UGGT1: variants seen among roughly 807,000 people sequenced by gnomAD.
UGGT1 encodes UDP-glucose:glycoprotein glucosyltransferase 1.
A neutral mutation model predicts 203.9 loss-of-function variants in UGGT1; 107 were observed. The ratio of observed to expected loss-of-function variants is 0.52; its 90% CI spans 0.45 to 0.62. The LOEUF (loss-of-function observed/expected upper bound fraction) is 0.62, where lower values mean the gene tolerates loss of function less well. Ranked by LOEUF, UGGT1 falls within the 20% of genes least tolerant of loss-of-function variation. UGGT1 has a pLI of 0.00. For synonymous variants in UGGT1, 628 were observed against 653.5 expected (o/e 0.96, Z 0.59); for missense variants, 1,673 against 1,867.2 (o/e 0.90, Z 1.92).
At chr2:128,144,133 T>TA (rs1373722495) in intron 17 of UGGT1, among the ~76,000 whole-genome samples, 1 of 152,234 alleles carries the variant, frequency 6.6e-6, no homozygotes, top group Non-Finnish European at 1.5e-5. Flanking sequence ...AGTTCTAACC[T>TA]ACGTGGGCAA....
At chr2:128,138,601 C>T (rs1463748167) in intron 15 of UGGT1, 116 bp from the exon 16 acceptor site, 1 of 1,252,080 alleles carries the variant, frequency 8.0e-7, no homozygotes, top group African/African-American at 1.5e-5. Flanking sequence ...GTGCTTTTCA[C>T]TCAAAGAGTT....
Position 128,109,684 on chromosome 2 carries a change from G to A in UGGT1, c.459G>A (p.Val153=), listed in dbSNP as rs777704122. The change falls in exon 5 of 41, where the codon GTG becomes GTA. Residue 153 remains valine (V), a synonymous_variant. Transcript: ENST00000259253. Reference sequence around the variant, plus strand: ...AAGGATGTAATTCGTTTTTTTCAGTGCATGGAAAGAAGACTTGTGAATCTG... The same window carrying A: ...AAGGATGTAATTCGTTTTTTTCAGTACATGGAAAGAAGACTTGTGAATCTG... ...PPEGCNSFFS[V]HGKKTCESDT... is the part of the protein sequence containing the mutation. 25 of 1,613,992 alleles carry A rather than the reference G, an allele frequency of 1.5e-5. No homozygotes were observed. Among genetic ancestry groups the A allele is most frequent in the Non-Finnish European group, 2.1e-5 (25 of 1,180,022 alleles).
At chr2:128,147,378 G>A (rs1689741704) in intron 18 of UGGT1, among the ~76,000 whole-genome samples, 1 of 152,152 alleles carries the variant, frequency 6.6e-6, no homozygotes, top group African/African-American at 2.4e-5. Flanking sequence ...TTGGTGAGAT[G>A]TTGGTCTTAA....
chr2:128,125,385 C>G (rs1225335694), intron 11 of UGGT1, among the ~76,000 whole-genome samples: 6 of 152,066 alleles, frequency 3.9e-5, no homozygotes, highest in Non-Finnish European at 7.4e-5. Context: ...TAATAATCAC[C>G]CCTTGTACAT....
chr2:128,170,454 C>T, intron 27 of UGGT1, 64 bp downstream of exon 27: 1 of 1,428,108 alleles, frequency 7.0e-7, no homozygotes, highest in Non-Finnish European at 9.9e-7. Context: ...CTCTGAAATT[C>T]ACTGAGAGCT....
chr2:128,097,857 GTTTA>G (rs963106606), intron 2 of UGGT1, among the ~76,000 whole-genome samples: 16 of 152,052 alleles, frequency 1.1e-4, no homozygotes, highest in Non-Finnish European at 1.5e-5. Context: ...AGAGGGTTAT[GTTTA>G]TTTATTTATT....
intron 14 of UGGT1, 50 bp from the exon 15 acceptor site, chr2:128,134,826 G>C (rs1689056172): frequency 6.5e-7 from 1 of 1,547,810 alleles, no homozygotes. Context: ...TCGGCCCACA[G>C]ATACTTGAAT....
At chr2:128,162,202 C>G (rs1690560079) in intron 25 of UGGT1, among the ~76,000 whole-genome samples, 1 of 151,350 alleles carries the variant, frequency 6.6e-6, no homozygotes, top group African/African-American at 2.4e-5. Flanking sequence ...AGTCTTTTGC[C>G]CATTTTTAAT....
Position 128,186,967 on chromosome 2 carries a change from T to G in UGGT1, c.4476+168T>G, listed in dbSNP as rs73956001. Among the ~76,000 whole-genome samples the G allele has an allele frequency of 2.4e-3, 372 of 152,314 alleles. 1 individual carries two copies. Among genetic ancestry groups the G allele is most frequent in the Middle Eastern group, 0.014 (4 of 294 alleles). On this transcript the variant is annotated intron_variant, in intron 39 of 40. Coordinates refer to ENST00000259253, the MANE Select transcript of UGGT1 (RefSeq NM_020120.4). ...GGGGCTATTCTTATCTTACAGAATA[T>G]TCTTATAAATATTCTTATCTTATAG...
At chr2:128,110,206 C>T (rs1429603260) in intron 5 of UGGT1, among the ~76,000 whole-genome samples, 1 of 152,140 alleles carries the variant, frequency 6.6e-6, no homozygotes, top group East Asian at 1.9e-4. Context: ...AATGTACCAG[C>T]TTTTTGCCCA....
At chr2:128,155,090 T>A (rs780163982) in intron 19 of UGGT1, among the ~76,000 whole-genome samples, 3 of 152,238 alleles carry the variant, frequency 2.0e-5, no homozygotes, top group African/African-American at 4.8e-5. Flanking sequence ...TCTTACGTAT[T>A]TTCTCTTTTA....
intron 26 of UGGT1, 37 bp downstream of exon 26, chr2:128,164,862 A>C (rs1189278880): frequency 6.7e-7 from 1 of 1,482,504 alleles, no homozygotes; most frequent in Non-Finnish European, 9.1e-7. Context: ...ATATTCTTGA[A>C]TATTAAACTC....
chr2:128,091,233 A>G lies in UGGT1; in HGVS notation c.-125A>G, dbSNP rs1558739397. ...AATTGCTTTGCGAGGCTGGGTGTTG[A>G]GTCGAGCCGCGGGAAAGGCGCGTGT... On this transcript the variant is annotated 5_prime_UTR_variant, in exon 1 of 41. Transcript: ENST00000259253. 9.2e-7 allele frequency: 1 copy of G among 1,088,726 alleles called. No individual in the cohort carries two copies. The highest frequency in any genetic ancestry group is 1.6e-5 in the South Asian group (1 of 61,070). The allele number at this position is 1,088,726 out of a possible 1,614,324, so 67.4% of individuals were successfully genotyped here.
intron 25 of UGGT1, among the ~76,000 whole-genome samples, chr2:128,164,147 G>GAGAC (rs1336082210): frequency 6.6e-6 from 1 of 152,166 alleles, no homozygotes; most frequent in Non-Finnish European, 1.5e-5. Context: ...CAACTAGAGT[G>GAGAC]AGACCCTGAC....
intron 16 of UGGT1, 71 bp downstream of exon 16, chr2:128,138,923 T>C: frequency 6.3e-7 from 1 of 1,589,280 alleles, no homozygotes. Flanking sequence ...TGTGTGGTCA[T>C]TGTATGCTAG....
At chr2:128,165,066 T>G (rs1405841647) in intron 26 of UGGT1, among the ~76,000 whole-genome samples, 1 of 152,198 alleles carries the variant, frequency 6.6e-6, no homozygotes, top group Non-Finnish European at 1.5e-5. Context: ...TAACTCTGAG[T>G]GCACCCTTGT....
chr2:128,124,167 C>T (rs1160524976), intron 11 of UGGT1, among the ~76,000 whole-genome samples: 2 of 152,102 alleles, frequency 1.3e-5, no homozygotes, highest in African/African-American at 4.8e-5. Flanking sequence ...AGGATAGTCT[C>T]GATCTCCTGA....
intron 11 of UGGT1, among the ~76,000 whole-genome samples, chr2:128,125,344 TG>T (rs1175043487): frequency 6.6e-6 from 1 of 152,144 alleles, no homozygotes; most frequent in Non-Finnish European, 1.5e-5. Context: ...TGGGGGGTTT[TG>T]TCTTAAAGGG....
Position 128,184,148 on chromosome 2 carries a change from A to G in UGGT1, c.4359+359A>G, listed in dbSNP as rs1473077499. Among the ~76,000 whole-genome samples the G allele has an allele frequency of 5.3e-5, 8 of 152,172 alleles. No homozygotes were observed. The East Asian group carries it at 1.5e-3, about 29-fold the overall frequency. ...GTCAGTTTGTTTTTCTGCTGTAGGA[A>G]CTAAATAGCTCAGGATTCGTAGTAT... On this transcript the variant is annotated intron_variant, in intron 38 of 40. Transcript: ENST00000259253.
Sources: allele counts gnomAD v4.1 joint callset (sites outside exome capture counted in the v4.1 genomes callset), GRCh38; gene constraint gnomAD v4.1.1; transcripts MANE v1.5; gene names NCBI Gene and HGNC (gene_info 2026-07-23, HGNC 2026-07-21).